The following BCAS4 variants were observed in gnomAD, a reference collection of about 807,000 sequenced individuals.
BCAS4 encodes the protein breast carcinoma amplified sequence 4, also known as breast carcinoma-amplified sequence 4.
BCAS4 carries 9 observed loss-of-function variants against 15.7 expected under a neutral mutation model. The observed-to-expected ratio is 0.57, with a 90% confidence interval of 0.34 to 1.00. BCAS4 has a LOEUF of 1.00. Ranked by LOEUF, BCAS4 falls within the 50% of genes least tolerant of loss-of-function variation. The probability of loss-of-function intolerance (pLI) is 0.02; values close to 1 mark genes in which losing one functional copy is unlikely to be tolerated. For missense variants in BCAS4, 225 were observed against 239.1 expected (o/e 0.94, Z 0.39); for synonymous variants, 101 against 99.5 (o/e 1.02, Z -0.09).
chr20:50,807,830 A>G (rs2088010478), intron 1 of BCAS4, among the ~76,000 whole-genome samples: 2 of 151,810 alleles, frequency 1.3e-5, no homozygotes, highest in South Asian at 4.2e-4. Context: ...GCTGCTGCAA[A>G]TGCCATTATT....
At chr20:50,857,816 C>G (rs1393001509) in intron 4 of BCAS4, among the ~76,000 whole-genome samples, 1 of 152,176 alleles carries the variant, frequency 6.6e-6, no homozygotes, top group African/African-American at 2.4e-5. Flanking sequence ...TGAGTTATTC[C>G]CCATCAGCAG....
downstream of BCAS4, chr20:50,881,582 A>C (rs933030773): frequency 1.3e-5 from 2 of 152,254 alleles, no homozygotes; most frequent in African/African-American, 4.8e-5. Context: ...ACCTTAATGT[A>C]TGCCAATAAG....
At position 50,851,124 on chromosome 20, in the gene BCAS4, G is replaced by A. The variant is rs1434262265; in HGVS notation, c.399+9224G>A. Among the ~76,000 whole-genome samples, 2 of 88 alleles carry A rather than the reference G, an allele frequency of 0.023. No individual in the cohort carries two copies. The highest frequency in any genetic ancestry group is 0.25 in the South Asian group (1 of 4). The allele number at this position is 88 out of a possible 152,430, so 0.1% of individuals were successfully genotyped here. A position where few individuals can be genotyped will look rare whatever the true frequency, so the allele number is the denominator to read the frequency against. On this transcript the variant is annotated intron_variant, in intron 4 of 4. Coordinates refer to ENST00000371608, the MANE Select transcript of BCAS4 (RefSeq NM_198799.4). This position sits in a 1 kb window ranked among gnomAD's most constrained non-coding sequence, Gnocchi z 4.3. ...AGAATCCCCCTGCAGGAGGTGACTC[G>A]GGGAGGGAGCCCGACAGCTCAGCTT...
chr20:50,861,233 C>T (rs1600897303), intron 4 of BCAS4, among the ~76,000 whole-genome samples: 1 of 152,216 alleles, frequency 6.6e-6, no homozygotes, highest in South Asian at 2.1e-4. Context: ...GCCAAGAGTT[C>T]AGCAGCGAAT....
At chr20:50,816,870 C>A (rs1344582895) in intron 1 of BCAS4, among the ~76,000 whole-genome samples, 3 of 131,440 alleles carry the variant, frequency 2.3e-5, no homozygotes, top group Non-Finnish European at 4.6e-5. Context: ...AGTGGTGTGA[C>A]CTTGGCTCAC....
chr20:50,870,434 G>A (rs1049096493), intron 4 of BCAS4, among the ~76,000 whole-genome samples: 4 of 152,210 alleles, frequency 2.6e-5, no homozygotes, highest in Non-Finnish European at 5.9e-5. Flanking sequence ...AACCCAGCCG[G>A]GGCCTGAGGC....
At chr20:50,821,152 G>A (rs1031025183) in intron 2 of BCAS4, among the ~76,000 whole-genome samples, 1 of 152,222 alleles carries the variant, frequency 6.6e-6, no homozygotes, top group African/African-American at 2.4e-5. Context: ...CCACGTGCTT[G>A]TGTATTTTTG....
In BCAS4 at chr20:50,818,294, C is replaced by T; in HGVS notation, c.162+12C>T. The T allele has an allele frequency of 6.2e-7, 1 of 1,611,686 alleles. No individual in the cohort carries two copies. The highest frequency in any genetic ancestry group is 1.7e-5 in the Admixed American group (1 of 59,696). Reference sequence around the variant, plus strand: ...GCCTGGCTGACCTGGTGAGTGGCTGCCTGGAAGGCGTGGGTTTAGGCCCAG... The same window carrying T: ...GCCTGGCTGACCTGGTGAGTGGCTGTCTGGAAGGCGTGGGTTTAGGCCCAG... On this transcript the variant is annotated intron_variant, in intron 2 of 4. Coordinates refer to ENST00000371608, the MANE Select transcript of BCAS4 (RefSeq NM_198799.4).
intron 1 of BCAS4, among the ~76,000 whole-genome samples, chr20:50,806,700 TA>T (rs1013367481): frequency 4.0e-5 from 6 of 151,834 alleles, no homozygotes; most frequent in African/African-American, 1.2e-4. Context: ...ATTTTATTAT[TA>T]TTATTTTTTA....
chr20:50,863,208 A>C (rs564642889), intron 4 of BCAS4, among the ~76,000 whole-genome samples: 2 of 149,418 alleles, frequency 1.3e-5, no homozygotes, highest in African/African-American at 2.5e-5. Context: ...GCAACCTGAC[A>C]ACATGGTAGG....
intron 4 of BCAS4, among the ~76,000 whole-genome samples, chr20:50,853,886 G>C (rs1978611250): frequency 6.6e-6 from 1 of 151,860 alleles, no homozygotes; most frequent in African/African-American, 2.4e-5. Context: ...TTTGTGCACT[G>C]GTGGGTGTTT....
At chr20:50,840,808 G>T in intron 3 of BCAS4, 2 of 1,149,148 alleles carry the variant, frequency 1.7e-6, no homozygotes, top group Non-Finnish European at 1.3e-6. Flanking sequence ...GGTCTGCGTA[G>T]TGGCCACCAC....
At chr20:50,809,780 T>C (rs1033776047) in intron 1 of BCAS4, among the ~76,000 whole-genome samples, 1 of 152,208 alleles carries the variant, frequency 6.6e-6, no homozygotes, top group African/African-American at 2.4e-5. Flanking sequence ...AGTGGTTTGT[T>C]TCATCAGTGT....
At chr20:50,838,439 G>A (rs2088436854) in intron 3 of BCAS4, among the ~76,000 whole-genome samples, 1 of 152,246 alleles carries the variant, frequency 6.6e-6, no homozygotes. Context: ...ACTCGGCGCA[G>A]TGGCTCACCC....
intron 4 of BCAS4, among the ~76,000 whole-genome samples, chr20:50,857,007 C>T (rs1978795275): frequency 6.6e-6 from 1 of 152,374 alleles, no homozygotes; most frequent in East Asian, 1.9e-4. Context: ...CATTTAATTA[C>T]TTAAAATGCA....
chr20:50,870,269 C>T (rs1221618866), intron 4 of BCAS4, among the ~76,000 whole-genome samples: 1 of 152,204 alleles, frequency 6.6e-6, no homozygotes, highest in Non-Finnish European at 1.5e-5. Flanking sequence ...ATTAGGGCTT[C>T]CCGAGAGGGA....
At chr20:50,842,610 G>T (rs1460949446) in intron 4 of BCAS4, among the ~76,000 whole-genome samples, 3 of 152,212 alleles carry the variant, frequency 2.0e-5, no homozygotes, top group Non-Finnish European at 2.9e-5. Flanking sequence ...TAGAGATGGG[G>T]TTTCACCATG....
intron 3 of BCAS4, among the ~76,000 whole-genome samples, chr20:50,837,941 C>A (rs1463427350): frequency 6.6e-6 from 1 of 151,584 alleles, no homozygotes; most frequent in African/African-American, 2.4e-5. Flanking sequence ...GCATATGCTT[C>A]CTGGCCCATT....
At chr20:50,853,365 G>T (rs148668230) in intron 4 of BCAS4, among the ~76,000 whole-genome samples, 2 of 151,730 alleles carry the variant, frequency 1.3e-5, no homozygotes, top group Non-Finnish European at 2.9e-5. Context: ...GGCTGGTCTC[G>T]AACTCTTGAC....
Sources: allele counts gnomAD v4.1 joint callset (sites outside exome capture counted in the v4.1 genomes callset), GRCh38; gene constraint gnomAD v4.1.1; non-coding constraint Gnocchi (gnomAD v3.1); transcripts MANE v1.5; gene names NCBI Gene and HGNC (gene_info 2026-07-23, HGNC 2026-07-21).